RASSF9: variants seen among roughly 807,000 people sequenced by gnomAD.
The protein encoded by RASSF9 is ras association domain-containing protein 9.
In RASSF9, 18 loss-of-function variants were observed where a neutral mutation model predicts 21.4. The ratio of observed to expected loss-of-function variants is 0.84; its 90% CI spans 0.58 to 1.25. RASSF9 has a LOEUF of 1.25. Ranked by LOEUF, RASSF9 falls within the 50% of genes most tolerant of loss-of-function variation. RASSF9 has a pLI of 0.00. For missense variants in RASSF9, 480 were observed against 503.2 expected, an observed-to-expected ratio of 0.95 and a Z score of 0.44; for synonymous variants, 183 against 179.1, an observed-to-expected ratio of 1.02 and a Z score of -0.18.
Position 85,802,792 on chromosome 12 carries a change from T to C in RASSF9, c.*1910A>G, listed in dbSNP as rs1879729616. On this transcript the variant is annotated 3_prime_UTR_variant, in exon 2 of 2. Coordinates refer to ENST00000361228, the MANE Select transcript of RASSF9 (RefSeq NM_005447.4). ...GAATTTGATCCCCATTAGTGAACAA[T>C]GAATATGTCAGTGGCTTATATTGTT... 6.6e-6 allele frequency: 1 copy of C among 152,198 alleles called. No individual in the cohort carries two copies. The highest frequency in any genetic ancestry group is 2.4e-5 in the African/African-American group (1 of 41,472). 9.4% of individuals were successfully genotyped at this position (152,198 alleles called of 1,614,324 possible). A position where few individuals can be genotyped will look rare whatever the true frequency, so the allele number is the denominator to read the frequency against.
intron 1 of RASSF9, among the ~76,000 whole-genome samples, chr12:85,827,143 A>C (rs1272753519): frequency 6.6e-6 from 1 of 152,210 alleles, no homozygotes; most frequent in Non-Finnish European, 1.5e-5. Flanking sequence ...TTATGTATTT[A>C]ACTGGCATCT....
chr12:85,831,322 A>G (rs1880444551), intron 1 of RASSF9, among the ~76,000 whole-genome samples: 1 of 151,984 alleles, frequency 6.6e-6, no homozygotes, highest in South Asian at 2.1e-4. Context: ...GACAGCTTCA[A>G]ACTTTTTAAA....
chr12:85,815,791 T>C (rs927261746), intron 1 of RASSF9, among the ~76,000 whole-genome samples: 4 of 152,090 alleles, frequency 2.6e-5, no homozygotes, highest in African/African-American at 9.7e-5. Flanking sequence ...TATGGGATTG[T>C]TTGGTTTTTT....
At position 85,801,547 on chromosome 12, in the gene RASSF9, TCA is replaced by T. The variant is rs1879700321; in HGVS notation, c.*3153_*3154del. On this transcript the variant is annotated 3_prime_UTR_variant, in exon 2 of 2. Coordinates refer to ENST00000361228, the MANE Select transcript of RASSF9 (RefSeq NM_005447.4). ...GAATTCATTGGTCGGGCACGGTGGC[TCA>T]CGCCTGTAATCCCAGCACTTTGGGA... The T allele has an allele frequency of 6.6e-6, 1 of 152,330 alleles. No homozygotes were observed. The highest frequency in any genetic ancestry group is 2.1e-4 in the South Asian group (1 of 4,832). 9.4% of individuals were successfully genotyped at this position (152,330 alleles called of 1,614,324 possible). A position where few individuals can be genotyped will look rare whatever the true frequency, so the allele number is the denominator to read the frequency against.
intron 1 of RASSF9, among the ~76,000 whole-genome samples, chr12:85,817,503 G>C (rs1414486576): frequency 6.6e-6 from 1 of 151,884 alleles, no homozygotes; most frequent in East Asian, 1.9e-4. Context: ...GAAATTTAGA[G>C]AGAAAATTGG....
chr12:85,813,196 G>A (rs1879987970), intron 1 of RASSF9, among the ~76,000 whole-genome samples: 1 of 151,806 alleles, frequency 6.6e-6, no homozygotes, highest in African/African-American at 2.4e-5. Flanking sequence ...AACAACATGT[G>A]TTAGCCTCAG....
intron 1 of RASSF9, among the ~76,000 whole-genome samples, chr12:85,817,816 C>T (rs1478149810): frequency 6.6e-6 from 1 of 152,064 alleles, no homozygotes; most frequent in Non-Finnish European, 1.5e-5. Flanking sequence ...CAAGACCACA[C>T]TAAGCATTAC....
At chr12:85,806,120 C>T (rs1879826613) in intron 1 of RASSF9, among the ~76,000 whole-genome samples, 158 bp from the exon 2 acceptor site, 1 of 151,864 alleles carries the variant, frequency 6.6e-6, no homozygotes, top group Non-Finnish European at 1.5e-5. Context: ...GGTCTCAGCT[C>T]ACTGCAAGCT....
At chr12:85,814,202 A>G (rs1317048742) in intron 1 of RASSF9, among the ~76,000 whole-genome samples, 1 of 151,874 alleles carries the variant, frequency 6.6e-6, no homozygotes, top group Non-Finnish European at 1.5e-5. Context: ...TCTTATTACC[A>G]TTGTTTATTC....
chr12:85,812,297 C>T (rs1025332693), intron 1 of RASSF9, among the ~76,000 whole-genome samples: 2 of 151,160 alleles, frequency 1.3e-5, no homozygotes, highest in African/African-American at 4.8e-5. Flanking sequence ...TTAAATATAT[C>T]CTAAGGTTTT....
At chr12:85,819,684 A>G (rs948396202) in intron 1 of RASSF9, among the ~76,000 whole-genome samples, 3 of 152,198 alleles carry the variant, frequency 2.0e-5, no homozygotes, top group Non-Finnish European at 4.4e-5. Flanking sequence ...TTTGTGATAA[A>G]TATTAAATTA....
At chr12:85,824,082 G>C (rs1880275062) in intron 1 of RASSF9, among the ~76,000 whole-genome samples, 2 of 152,162 alleles carry the variant, frequency 1.3e-5, no homozygotes, top group Middle Eastern at 3.4e-3. Context: ...TTACGACCTT[G>C]AGCTCTAGAC....
intron 1 of RASSF9, among the ~76,000 whole-genome samples, chr12:85,830,292 T>C (rs1880422204): frequency 6.6e-6 from 1 of 152,100 alleles, no homozygotes; most frequent in Admixed American, 6.5e-5. Flanking sequence ...ATGTCATCTA[T>C]TTATTAGACA....
chr12:85,805,190 T>C lies in RASSF9; in HGVS notation c.820A>G (p.Lys274Glu). 1 of 1,613,884 alleles carries C rather than the reference T, an allele frequency of 6.2e-7. No individual in the cohort carries two copies. The highest frequency in any genetic ancestry group is 8.5e-7 in the Non-Finnish European group (1 of 1,179,890). Reference sequence around the variant, plus strand: ...TTATCAATGAGTATTCGGTAATATTTCAGTCGTTCTTCCAGCTGTTCAATT... The same window carrying C: ...TTATCAATGAGTATTCGGTAATATTCCAGTCGTTCTTCCAGCTGTTCAATT... ...DGIEQLEERL[K>E]YYRILIDKLS... The change falls in exon 2 of 2, where the codon AAA (lysine) becomes GAA (glutamate). Residue 274 changes from lysine to glutamate, a missense_variant. Lys to Glu is a moderately conservative substitution (Grantham distance 56, BLOSUM62 1). Transcript: ENST00000361228.
At chr12:85,812,457 T>A (rs1474413609) in intron 1 of RASSF9, among the ~76,000 whole-genome samples, 2 of 151,140 alleles carry the variant, frequency 1.3e-5, no homozygotes, top group Non-Finnish European at 3.0e-5. Context: ...TAATTTAATA[T>A]CCCCTGAAAT....
chr12:85,827,452 C>T (rs905642019), intron 1 of RASSF9, among the ~76,000 whole-genome samples: 1 of 152,194 alleles, frequency 6.6e-6, no homozygotes, highest in African/African-American at 2.4e-5. Flanking sequence ...TACCTCTCTA[C>T]ATCCTAGGCA....
rs1383127378 is a variant in RASSF9 at position 85,804,697 on chromosome 12, T to C, written c.*5A>G. The C allele has an allele frequency of 6.4e-7, 1 of 1,570,492 alleles. No homozygotes were observed. Among genetic ancestry groups the C allele is most frequent in the Non-Finnish European group, 8.7e-7 (1 of 1,153,612 alleles). ...TGAAAGCAGGTCAGAAAGGAGCCAT[T>C]GGAACTATGTTGACAACAGCACCAC... On this transcript the variant is annotated 3_prime_UTR_variant, in exon 2 of 2. Coordinates refer to ENST00000361228, the MANE Select transcript of RASSF9 (RefSeq NM_005447.4).
intron 1 of RASSF9, among the ~76,000 whole-genome samples, chr12:85,811,386 A>C (rs994880334): frequency 6.6e-5 from 10 of 151,822 alleles, no homozygotes; most frequent in Non-Finnish European, 1.3e-4. Context: ...GGATATCCTA[A>C]TGGGCACCTC....
At chr12:85,820,286 A>G (rs1314424978) in intron 1 of RASSF9, among the ~76,000 whole-genome samples, 1 of 152,174 alleles carries the variant, frequency 6.6e-6, no homozygotes, top group Non-Finnish European at 1.5e-5. Flanking sequence ...GATGGAGTTG[A>G]GCATCTGACA....
Sources: gnomAD v4.1 joint callset for allele counts (sites outside exome capture counted in the v4.1 genomes callset) on GRCh38, gnomAD v4.1.1 for gene constraint, MANE v1.5 for transcripts, NCBI Gene and HGNC (gene_info 2026-07-23, HGNC 2026-07-21) for gene names.